The following IQCM variants were observed in gnomAD, a reference collection of about 807,000 sequenced individuals.
IQCM encodes IQ domain-containing protein M.
A neutral mutation model predicts 57.6 loss-of-function variants in IQCM; 45 were observed. The observed-to-expected ratio is 0.78, with a 90% CI of 0.62 to 1.00. The LOEUF (loss-of-function observed/expected upper bound fraction) is 1.00, where lower values mean the gene tolerates loss of function less well. Ranked by LOEUF, IQCM falls within the 50% of genes least tolerant of loss-of-function variation. IQCM has a pLI of 0.00. For missense variants in IQCM, 468 were observed against 511.6 expected, an observed-to-expected ratio of 0.91 and a Z score of 0.82; for synonymous variants, 148 against 158.9, an observed-to-expected ratio of 0.93 and a Z score of 0.51.
At chr4:149,465,001 C>T (rs1200890641) in intron 12 of IQCM, among the ~76,000 whole-genome samples, 4 of 152,030 alleles carry the variant, frequency 2.6e-5, no homozygotes, top group Admixed American at 1.3e-4. Flanking sequence ...GAGAAGAAAA[C>T]CATGCATATT....
chr4:149,352,155 G>A, intron 13 of IQCM, 89 bp from the exon 14 acceptor site: 1 of 396,450 alleles, frequency 2.5e-6, no homozygotes, highest in Non-Finnish European at 4.4e-6. Flanking sequence ...TAAGTTACAG[G>A]AAACTAATTA....
At chr4:149,772,602 C>T (rs900685745) in intron 2 of IQCM, among the ~76,000 whole-genome samples, 1 of 152,016 alleles carries the variant, frequency 6.6e-6, no homozygotes, top group African/African-American at 2.4e-5. Flanking sequence ...AAAAAACTAC[C>T]ACTTTGGAAT....
intron 7 of IQCM, among the ~76,000 whole-genome samples, chr4:149,626,557 A>G (rs1445067879): frequency 6.6e-6 from 1 of 152,014 alleles, no homozygotes; most frequent in Admixed American, 6.6e-5. Flanking sequence ...ATAGAACAGT[A>G]GCATCACTGT....
intron 12 of IQCM, among the ~76,000 whole-genome samples, chr4:149,433,850 GA>G (rs1309768635): frequency 1.3e-5 from 2 of 151,916 alleles, no homozygotes; most frequent in East Asian, 3.9e-4. Context: ...TCACATTATA[GA>G]TTCTATAACA....
At chr4:149,432,473 A>G (rs984269049) in intron 13 of IQCM, among the ~76,000 whole-genome samples, 3 of 152,014 alleles carry the variant, frequency 2.0e-5, no homozygotes, top group Non-Finnish European at 2.9e-5. Context: ...TTCAATTTAT[A>G]TCTTGAGCCA....
At chr4:149,713,969 C>T (rs564814453) in intron 5 of IQCM, among the ~76,000 whole-genome samples, 8 of 152,310 alleles carry the variant, frequency 5.3e-5, no homozygotes, top group African/African-American at 1.9e-4. Flanking sequence ...CCTCCCCCAA[C>T]AGTCACCTAA....
At chr4:149,552,925 C>T (rs1749173040) in intron 11 of IQCM, among the ~76,000 whole-genome samples, 2 of 152,220 alleles carry the variant, frequency 1.3e-5, no homozygotes, top group African/African-American at 4.8e-5. Flanking sequence ...TGTTAAATTT[C>T]CTTTTTGCTT....
chr4:149,376,123 C>T (rs1318797203), intron 13 of IQCM, among the ~76,000 whole-genome samples: 7 of 152,128 alleles, frequency 4.6e-5, no homozygotes, highest in African/African-American at 1.7e-4. Flanking sequence ...ATTCCTACCC[C>T]ACACTTAATA....
intron 13 of IQCM, among the ~76,000 whole-genome samples, chr4:149,387,233 C>G (rs763075008): frequency 5.9e-5 from 9 of 152,008 alleles, no homozygotes; most frequent in Non-Finnish European, 1.0e-4. Context: ...AAGGGGCAAA[C>G]AAGCTCCTCC....
intron 8 of IQCM, among the ~76,000 whole-genome samples, chr4:149,609,899 A>C (rs1485584606): frequency 6.6e-6 from 1 of 151,710 alleles, no homozygotes; most frequent in Non-Finnish European, 1.5e-5. Flanking sequence ...ATTTAACAAG[A>C]AAAATAAAGG....
chr4:149,353,234 A>C (rs559344386), intron 13 of IQCM, among the ~76,000 whole-genome samples: 5 of 152,324 alleles, frequency 3.3e-5, no homozygotes, highest in Admixed American at 3.3e-4. Flanking sequence ...CCACAATGAG[A>C]TATCACCTCG....
intron 7 of IQCM, among the ~76,000 whole-genome samples, chr4:149,665,580 C>G (rs1376480065): frequency 6.6e-6 from 1 of 152,142 alleles, no homozygotes; most frequent in East Asian, 1.9e-4. Context: ...GTTTCGGTCT[C>G]TCTTTGTGGG....
chr4:149,582,307 C>CATAT (rs70965193), intron 9 of IQCM, among the ~76,000 whole-genome samples: 23 of 88,156 alleles, frequency 2.6e-4, no homozygotes, highest in Non-Finnish European at 3.8e-4. Flanking sequence ...ATGCTGTAGA[C>CATAT]ATATATATAT....
At chr4:149,358,279 C>T (rs966311015) in intron 13 of IQCM, among the ~76,000 whole-genome samples, 1 of 152,020 alleles carries the variant, frequency 6.6e-6, no homozygotes, top group Non-Finnish European at 1.5e-5. Context: ...ATTTCTTGCC[C>T]TCTGCTAGCT....
At chr4:149,392,825 A>G (rs954522561) in intron 13 of IQCM, among the ~76,000 whole-genome samples, 1 of 152,038 alleles carries the variant, frequency 6.6e-6, no homozygotes, top group African/African-American at 2.4e-5. Flanking sequence ...TTAAATATAT[A>G]TGAGACATAA....
intron 2 of IQCM, among the ~76,000 whole-genome samples, chr4:149,790,952 A>T (rs1041893999): frequency 6.6e-6 from 1 of 152,146 alleles, no homozygotes; most frequent in African/African-American, 2.4e-5. Flanking sequence ...TGGAAGAATA[A>T]AACATTTACT....
chr4:149,426,568 A>G (rs1043994366), intron 13 of IQCM, among the ~76,000 whole-genome samples: 6 of 151,958 alleles, frequency 3.9e-5, no homozygotes, highest in Admixed American at 3.3e-4. Context: ...ACTGCCTTCA[A>G]GCTCTCACTA....
At chr4:149,563,043 AC>A (rs1170214218) in intron 10 of IQCM, among the ~76,000 whole-genome samples, 1 of 152,128 alleles carries the variant, frequency 6.6e-6, no homozygotes, top group Non-Finnish European at 1.5e-5. Context: ...TCCAAGATGG[AC>A]CCACTTAGGT....
chr4:149,778,467 A>C (rs1330037984), intron 2 of IQCM, among the ~76,000 whole-genome samples: 1 of 152,210 alleles, frequency 6.6e-6, no homozygotes, highest in Non-Finnish European at 1.5e-5. Flanking sequence ...TATAGCACTG[A>C]ATGCTTACAT....
Sources: allele counts gnomAD v4.1 joint callset (sites outside exome capture counted in the v4.1 genomes callset), GRCh38; gene constraint gnomAD v4.1.1; transcripts MANE v1.5; gene names NCBI Gene and HGNC (gene_info 2026-07-23, HGNC 2026-07-21).